Variants in ASPRV1 observed in about 807,000 individuals in gnomAD.
ASPRV1 encodes retroviral-like aspartic protease 1.
ASPRV1 carries 7 observed loss-of-function variants against 11.0 expected under a neutral mutation model. That is an observed-to-expected ratio of 0.64 (90% CI 0.36 to 1.20). The LOEUF is 1.20. Ranked by LOEUF, ASPRV1 falls within the 50% of genes most tolerant of loss-of-function variation. ASPRV1 has a pLI of 0.02. For synonymous variants in ASPRV1, 136 were observed against 138.4 expected (o/e 0.98, Z 0.12); for missense variants, 299 against 320.0 (o/e 0.93, Z 0.50).
the ASPRV1 span, chr2:70,056,344 G>T: frequency 6.6e-6 from 1 of 152,100 alleles, no homozygotes; most frequent in Non-Finnish European, 1.5e-5. Context: ...GGTGGCTCAC[G>T]CCTGTAATCC....
chr2:70,065,114 C>CA, the ASPRV1 span, among the ~76,000 whole-genome samples: 13 of 143,916 alleles, frequency 9.0e-5, no homozygotes, highest in Admixed American at 4.1e-4. Flanking sequence ...CAAAACAAAA[C>CA]AAAAAAAAGG....
At chr2:70,049,178 TCCCTCCC>T in the ASPRV1 span, 7 of 93,344 alleles carry the variant, frequency 7.5e-5, no homozygotes, top group Non-Finnish European at 1.5e-4. Context: ...CCTAATGCTA[TCCCTCCC>T]CCCTCCCCCC....
In ASPRV1 at chr2:69,961,168, A is replaced by T. The variant is rs1170861011; in HGVS notation, c.269T>A (p.Val90Asp). 2 of 1,613,514 alleles carry T rather than the reference A, an allele frequency of 1.2e-6. No homozygotes were observed. The highest frequency in any genetic ancestry group is 1.7e-6 in the Non-Finnish European group (2 of 1,179,670). The part of the protein sequence containing the change: ...VKEALLKAFG[V>D]PGAAPSHLPK... ...CAGGTGGCTGGGGGCAGCCCCAGGG[A>T]CCCCAAAGGCCTTCAGGAGGGCCTC... is the stretch of plus-strand genomic sequence containing the variant. Residue 90 changes from valine (V) to aspartate (D), a missense_variant, in exon 1 of 1, where the codon GTC becomes GAC. Physicochemically the swap from Val to Asp is radical, Grantham distance 152. Transcript: ENST00000320256.
the ASPRV1 span, among the ~76,000 whole-genome samples, chr2:70,029,369 G>C: frequency 6.6e-6 from 1 of 152,104 alleles, no homozygotes; most frequent in Admixed American, 6.5e-5. Context: ...GGCCAGGCAC[G>C]GTAGCTCACA....
the ASPRV1 span, among the ~76,000 whole-genome samples, chr2:69,935,817 C>T: frequency 1.3e-5 from 2 of 152,202 alleles, no homozygotes; most frequent in Non-Finnish European, 2.9e-5. Context: ...ATAAAATCCT[C>T]AGAGGTCTCC....
chr2:69,948,656 C>T, the ASPRV1 span, among the ~76,000 whole-genome samples: 2 of 152,134 alleles, frequency 1.3e-5, no homozygotes, highest in African/African-American at 2.4e-5. Flanking sequence ...GCTGGCTGCT[C>T]CTACAGAGTG....
chr2:70,079,556 C>G, the ASPRV1 span, among the ~76,000 whole-genome samples: 1 of 151,808 alleles, frequency 6.6e-6, no homozygotes, highest in East Asian at 1.9e-4. Context: ...AGTACTCCAC[C>G]AATGGAGAGT....
chr2:69,963,202 C>T (rs1197884520), upstream of ASPRV1: 2 of 450,122 alleles, frequency 4.4e-6, no homozygotes, highest in African/African-American at 2.0e-5. Flanking sequence ...GTCAACACCT[C>T]TCATCACAGC....
chr2:70,086,717 G>C, the ASPRV1 span, among the ~76,000 whole-genome samples: 1 of 152,262 alleles, frequency 6.6e-6, no homozygotes, highest in African/African-American at 2.4e-5. Flanking sequence ...AAGGGCAGGA[G>C]GTGGGGTTTC....
the ASPRV1 span, among the ~76,000 whole-genome samples, chr2:70,041,812 G>A: frequency 0.013 from 1,945 of 152,258 alleles, 48 homozygotes; most frequent in African/African-American, 0.045. Flanking sequence ...ACCACTTCCT[G>A]TTTCCATTGG....
chr2:69,989,512 G>A, the ASPRV1 span, among the ~76,000 whole-genome samples: 2 of 152,182 alleles, frequency 1.3e-5, no homozygotes, highest in South Asian at 4.1e-4. Flanking sequence ...TGCCCAGGAG[G>A]CCCTGGGGCG....
rs1425563210 is a variant in ASPRV1 at position 69,961,575 on chromosome 2, G to C, written c.-139C>G. The C allele has an allele frequency of 8.7e-6, 14 of 1,614,028 alleles. No homozygotes were observed. Among genetic ancestry groups the C allele is most frequent in the African/African-American group, 6.7e-5 (5 of 75,056 alleles). On this transcript the variant is annotated 5_prime_UTR_variant, in exon 1 of 1. Coordinates refer to ENST00000320256, the MANE Select transcript of ASPRV1 (RefSeq NM_152792.4). ...TGACTTGCCCGGCCTTGGGCAAGCA[G>C]GAGGGAGCAGGCGCGGTCGGCTGGC...
chr2:70,056,952 G>A, the ASPRV1 span, among the ~76,000 whole-genome samples: 2 of 151,910 alleles, frequency 1.3e-5, no homozygotes, highest in African/African-American at 4.8e-5. Context: ...AGGCAAGCTG[G>A]TCTCAAACTC....
At chr2:70,068,567 G>A in the ASPRV1 span, among the ~76,000 whole-genome samples, 2 of 152,052 alleles carry the variant, frequency 1.3e-5, no homozygotes, top group Non-Finnish European at 2.9e-5. Context: ...GCAGCAGCAG[G>A]AAGCTAGAGA....
the ASPRV1 span, chr2:70,073,154 G>A: frequency 6.6e-5 from 10 of 152,140 alleles, no homozygotes; most frequent in East Asian, 1.9e-4. Flanking sequence ...ATTAATGGAG[G>A]TATTCAAAGA....
the ASPRV1 span, among the ~76,000 whole-genome samples, chr2:70,038,456 GTAAGTGCTAGC>G: frequency 3.3e-5 from 5 of 152,156 alleles, 1 homozygote; most frequent in East Asian, 9.6e-4. Context: ...GTGATCACCT[GTAAGTGCTAGC>G]TACTCAGGAG....
Position 69,960,317 on chromosome 2 carries a change from G to C in ASPRV1, c.*340C>G, listed in dbSNP as rs1283444965. 1 of 262,746 alleles carries C rather than the reference G, an allele frequency of 3.8e-6. No individual in the cohort carries two copies. The highest frequency in any genetic ancestry group is 7.4e-6 in the Non-Finnish European group (1 of 135,750). The allele number at this position is 262,746 out of a possible 1,614,324, so 16.3% of individuals were successfully genotyped here. On this transcript the variant is annotated 3_prime_UTR_variant, in exon 1 of 1. Transcript: ENST00000320256. ...TGAGAGTGACCAAGCCATACCTCAG[G>C]GAATCTGAAGGGGTCCCACAGTTCT...
chr2:70,000,863 TTCA>T, the ASPRV1 span, among the ~76,000 whole-genome samples: 1 of 142,758 alleles, frequency 7.0e-6, no homozygotes, highest in African/African-American at 2.6e-5. Context: ...AAGCAGATAA[TTCA>T]TCAGAAAGAA....
the ASPRV1 span, among the ~76,000 whole-genome samples, chr2:70,055,101 G>A: frequency 6.6e-6 from 1 of 152,148 alleles, no homozygotes; most frequent in African/African-American, 2.4e-5. Context: ...TCAGGAGTTT[G>A]AGACCAGTCT....
Sources: gnomAD v4.1 joint callset for allele counts (sites outside exome capture counted in the v4.1 genomes callset) on GRCh38, gnomAD v4.1.1 for gene constraint, MANE v1.5 for transcripts, NCBI Gene and HGNC (gene_info 2026-07-23, HGNC 2026-07-21) for gene names.